The following BANK1 variants were observed in gnomAD, a reference collection of about 807,000 sequenced individuals.
BANK1 encodes B cell scaffold protein with ankyrin repeats 1.
BANK1 carries 95 observed loss-of-function variants against 94.5 expected under a neutral mutation model. The observed-to-expected ratio is 1.00, with a 90% CI of 0.85 to 1.19. The LOEUF is 1.19. Ranked by LOEUF, BANK1 falls within the 50% of genes most tolerant of loss-of-function variation. The pLI, the probability that BANK1 is intolerant of heterozygous loss-of-function variation, is 0.00. For missense variants in BANK1, 987 were observed against 932.2 expected, an observed-to-expected ratio of 1.06 and a Z score of -0.77; for synonymous variants, 334 against 308.4, an observed-to-expected ratio of 1.08 and a Z score of -0.87.
intron 5 of BANK1, among the ~76,000 whole-genome samples, chr4:101,881,821 A>T (rs193241963): frequency 6.6e-6 from 1 of 152,170 alleles, no homozygotes; most frequent in Non-Finnish European, 1.5e-5. Flanking sequence ...AGGCACAGAA[A>T]GACAAACATC....
At chr4:101,976,477 T>C (rs1725133225) in intron 7 of BANK1, among the ~76,000 whole-genome samples, 1 of 152,144 alleles carries the variant, frequency 6.6e-6, no homozygotes, top group Non-Finnish European at 1.5e-5. Flanking sequence ...ACATGTAGAA[T>C]TGGCATCCTG....
At chr4:101,809,997 G>A (rs1450633835) in intron 1 of BANK1, among the ~76,000 whole-genome samples, 1 of 152,110 alleles carries the variant, frequency 6.6e-6, no homozygotes, top group Non-Finnish European at 1.5e-5. Flanking sequence ...GATTATCATG[G>A]ATTGTCCAGT....
intron 7 of BANK1, among the ~76,000 whole-genome samples, chr4:101,919,166 A>G (rs1722921605): frequency 6.6e-6 from 1 of 151,884 alleles, no homozygotes; most frequent in Non-Finnish European, 1.5e-5. Context: ...CAGTAAGTCA[A>G]TTCAGCCTTG....
In BANK1 at chr4:101,830,225, GTTTGT is replaced by G. The variant is rs769147493; in HGVS notation, c.469+23_469+27del. On this transcript the variant is annotated intron_variant, in intron 2 of 16. Transcript: ENST00000322953. Reference sequence around the variant, plus strand: ...TTCAAAGGTAGTGTTGCCAAACCTTGTTTGTTTTATTTTTATTTGTTTTTTTTTTT... The same window carrying G: ...TTCAAAGGTAGTGTTGCCAAACCTTGTTTATTTTTATTTGTTTTTTTTTTT... 1 of 1,413,596 alleles carries G rather than the reference GTTTGT, an allele frequency of 7.1e-7. No individual in the cohort carries two copies. Among genetic ancestry groups the G allele is most frequent in the Non-Finnish European group, 9.2e-7 (1 of 1,086,314 alleles). 87.6% of individuals were successfully genotyped at this position (1,413,596 alleles called of 1,614,324 possible).
At chr4:101,991,752 A>G (rs902754580) in intron 7 of BANK1, among the ~76,000 whole-genome samples, 3 of 152,228 alleles carry the variant, frequency 2.0e-5, no homozygotes, top group South Asian at 2.1e-4. Flanking sequence ...ACCAGCAAGT[A>G]GAACTTTTCA....
chr4:101,931,913 A>G (rs1219960494), intron 7 of BANK1, among the ~76,000 whole-genome samples: 1 of 151,500 alleles, frequency 6.6e-6, no homozygotes, highest in Non-Finnish European at 1.5e-5. Context: ...TGGCAAAGCT[A>G]TAAAAATCCA....
chr4:101,942,378 C>G (rs1295282123), intron 7 of BANK1, among the ~76,000 whole-genome samples: 1 of 151,876 alleles, frequency 6.6e-6, no homozygotes, highest in Non-Finnish European at 1.5e-5. Flanking sequence ...TAGTGGGCAT[C>G]TTGAACCTGT....
chr4:101,968,310 G>T lies in BANK1; in HGVS notation c.1206+50121G>T, dbSNP rs542542626. On this transcript the variant is annotated intron_variant, in intron 7 of 16. Coordinates refer to ENST00000322953, the MANE Select transcript of BANK1 (RefSeq NM_017935.5). ...GCCACAAAATTGCTGGGAGGCATTT[G>T]CAGAGAAACTGTTAAACAGCCACAG... Among the ~76,000 whole-genome samples the T allele has an allele frequency of 1.4e-4, 22 of 152,198 alleles. No individual in the cohort carries two copies. The South Asian group carries it at 3.5e-3, about 24-fold the overall frequency.
At chr4:101,818,045 T>C (rs1725986012) in intron 1 of BANK1, among the ~76,000 whole-genome samples, 1 of 152,176 alleles carries the variant, frequency 6.6e-6, no homozygotes, top group African/African-American at 2.4e-5. Flanking sequence ...TGTATCATAT[T>C]ATGACAACTA....
chr4:101,792,751 T>G (rs962176129), intron 1 of BANK1, among the ~76,000 whole-genome samples: 1 of 152,170 alleles, frequency 6.6e-6, no homozygotes, highest in African/African-American at 2.4e-5. Flanking sequence ...GGAGATAGAA[T>G]GTACTGCTAG....
chr4:101,947,284 AAT>A (rs36202521), intron 7 of BANK1, among the ~76,000 whole-genome samples: 3,999 of 58,226 alleles, frequency 0.069, 252 homozygotes, highest in South Asian at 0.27. Flanking sequence ...AGAAGTTGTA[AAT>A]ATATATATAT....
At chr4:101,902,381 GGTTTTAT>G in intron 6 of BANK1, among the ~76,000 whole-genome samples, 4 of 152,108 alleles carry the variant, frequency 2.6e-5, no homozygotes, top group Admixed American at 2.6e-4. Context: ...ATGCTATTAA[GGTTTTAT>G]ATTTCTCTAA....
chr4:102,071,603 TCGGTTTTC>T (rs1728765636), intron 14 of BANK1, among the ~76,000 whole-genome samples: 1 of 152,224 alleles, frequency 6.6e-6, no homozygotes, highest in South Asian at 2.1e-4. Flanking sequence ...TCTGTGGGCC[TCGGTTTTC>T]TCATATGCAA....
intron 7 of BANK1, among the ~76,000 whole-genome samples, chr4:101,970,581 G>C (rs1724920695): frequency 6.6e-6 from 1 of 152,064 alleles, no homozygotes; most frequent in African/African-American, 2.4e-5. Flanking sequence ...CTTTGTTTCA[G>C]ATGAACATTC....
intron 7 of BANK1, among the ~76,000 whole-genome samples, chr4:102,010,150 A>G (rs892454394): frequency 1.6e-4 from 24 of 151,872 alleles, no homozygotes; most frequent in African/African-American, 5.8e-4. Flanking sequence ...CTGTAGTCCC[A>G]GCTACTCGGG....
intron 7 of BANK1, among the ~76,000 whole-genome samples, chr4:101,970,715 T>C (rs1386799220): frequency 6.6e-6 from 1 of 152,086 alleles, no homozygotes; most frequent in Non-Finnish European, 1.5e-5. Context: ...CAGTCCCCAC[T>C]GGGAAATCTG....
intron 5 of BANK1, among the ~76,000 whole-genome samples, chr4:101,872,489 C>T (rs1230554868): frequency 6.6e-6 from 1 of 152,100 alleles, no homozygotes; most frequent in Non-Finnish European, 1.5e-5. Flanking sequence ...GGCATCTGGA[C>T]CACACAGGGT....
Position 102,063,098 on chromosome 4 carries a change from C to G in BANK1, c.2172C>G (p.Asp724Glu). 1.2e-6 allele frequency: 2 copies of G among 1,613,732 alleles called. No individual in the cohort carries two copies. The highest frequency in any genetic ancestry group is 1.7e-6 in the Non-Finnish European group (2 of 1,179,762). ...IQQEKLRQLR[D>E]CIIGKRPEEE... is the part of the protein sequence containing the mutation. ...AGGAGAAATTACGACAACTACGAGA[C>G]TGCATTATTGGGAAAAGGCCAGAAG... Residue 724 changes from aspartate (D) to glutamate (E), a missense_variant, in exon 13 of 17, where the codon GAC becomes GAG. By Grantham distance (45) the Asp-to-Glu change is conservative. Transcript: ENST00000322953.
chr4:101,816,092 T>C (rs1043459976), intron 1 of BANK1, among the ~76,000 whole-genome samples: 2 of 152,198 alleles, frequency 1.3e-5, no homozygotes, highest in Admixed American at 6.5e-5. Flanking sequence ...ATAAAACCTA[T>C]GAAACTTTGA....
Sources: allele counts gnomAD v4.1 joint callset (sites outside exome capture counted in the v4.1 genomes callset), GRCh38; gene constraint gnomAD v4.1.1; transcripts MANE v1.5; gene names NCBI Gene and HGNC (gene_info 2026-07-23, HGNC 2026-07-21).